The following AS3MT variants were observed in gnomAD, a reference collection of about 807,000 sequenced individuals.
AS3MT encodes S-adenosyl-L-methionine:arsenic(III) methyltransferase.
Under a neutral mutation model 45.3 loss-of-function variants are expected in AS3MT, and 47 were observed. That is an observed-to-expected ratio of 1.04 (90% CI 0.82 to 1.32). The LOEUF (loss-of-function observed/expected upper bound fraction) is 1.32, where lower values mean the gene tolerates loss of function less well. AS3MT is among the 40% of genes most tolerant of loss of function. The pLI is 0.00. For missense variants in AS3MT, 396 were observed against 451.1 expected (o/e 0.88, Z 1.11); for synonymous variants, 141 against 152.8 (o/e 0.92, Z 0.57).
At chr10:102,888,626 G>A (rs1844997507) in intron 9 of AS3MT, among the ~76,000 whole-genome samples, 1 of 151,162 alleles carries the variant, frequency 6.6e-6, no homozygotes, top group Admixed American at 6.6e-5. Flanking sequence ...TTACCATGTT[G>A]GTCAGGCTGG....
intron 2 of AS3MT, 91 bp downstream of exon 2, chr10:102,869,936 A>G (rs1844649635): frequency 6.3e-7 from 1 of 1,578,974 alleles, no homozygotes; most frequent in African/African-American, 1.3e-5. Flanking sequence ...GGACTCCTGG[A>G]GTCGGGGTAG....
intron 10 of AS3MT, among the ~76,000 whole-genome samples, chr10:102,893,421 T>A (rs1312805103): frequency 1.3e-5 from 2 of 151,314 alleles, no homozygotes; most frequent in African/African-American, 4.9e-5. Flanking sequence ...CAGGTTCAAG[T>A]GATTCTCCTG....
In AS3MT at chr10:102,898,897, T is replaced by G. The variant is rs539202798; in HGVS notation, c.1021-1696T>G. Reference sequence around the variant, plus strand: ...ACATCTGATTCTGGAGCTGGCACTCTAAACCAGTGTGCTGCTCCATCTCTC... The same window carrying G: ...ACATCTGATTCTGGAGCTGGCACTCGAAACCAGTGTGCTGCTCCATCTCTC... On this transcript the variant is annotated intron_variant, in intron 10 of 10. Transcript: ENST00000369880. Among the ~76,000 whole-genome samples the G allele has an allele frequency of 3.3e-5, 5 of 152,340 alleles. No homozygotes were observed. In the East Asian group the frequency reaches 9.7e-4, roughly 29 times the overall value.
chr10:102,889,505 C>T (rs1452881047), intron 9 of AS3MT, among the ~76,000 whole-genome samples: 1 of 152,078 alleles, frequency 6.6e-6, no homozygotes, highest in African/African-American at 2.4e-5. Flanking sequence ...TAGGTTGATT[C>T]CATATCTTGG....
At chr10:102,896,332 C>CAAAA (rs899491110) in intron 10 of AS3MT, among the ~76,000 whole-genome samples, 1 of 63,360 alleles carries the variant, frequency 1.6e-5, no homozygotes, top group Admixed American at 1.7e-4. Context: ...GACCCTGCCT[C>CAAAA]AAAAAAAAAA....
chr10:102,870,879 ACT>A (rs1179525456), intron 3 of AS3MT, among the ~76,000 whole-genome samples: 1 of 152,026 alleles, frequency 6.6e-6, no homozygotes, highest in Non-Finnish European at 1.5e-5. Flanking sequence ...CTGCCACAGC[ACT>A]CTGTCACTCG....
At chr10:102,882,032 C>T (rs1053037212) in intron 9 of AS3MT, among the ~76,000 whole-genome samples, 1 of 151,694 alleles carries the variant, frequency 6.6e-6, no homozygotes, top group African/African-American at 2.4e-5. Flanking sequence ...CTCCACCTCC[C>T]GGGTTCACGC....
chr10:102,898,841 C>T (rs1230186686), intron 10 of AS3MT, among the ~76,000 whole-genome samples: 1 of 152,178 alleles, frequency 6.6e-6, no homozygotes, highest in Non-Finnish European at 1.5e-5. Context: ...AATCCAAAGT[C>T]ATACAGCTAG....
rs1410708335 is a variant in AS3MT at position 102,874,543 on chromosome 10, C to T, written c.459-49C>T. ...TTAGGGTCTGAAAGGATTTGCAGAT[C>T]TCTGAGTGTTGTGAAGATTTGCTCG... On this transcript the variant is annotated intron_variant, in intron 5 of 10. Transcript: ENST00000369880. The T allele has an allele frequency of 2.2e-6, 3 of 1,359,458 alleles. No individual in the cohort carries two copies. The African/African-American group carries it at 4.3e-5, about 20-fold the overall frequency. 84.2% of individuals were successfully genotyped at this position (1,359,458 alleles called of 1,614,324 possible). A position where few individuals can be genotyped will look rare whatever the true frequency, so the allele number is the denominator to read the frequency against.
intron 10 of AS3MT, among the ~76,000 whole-genome samples, chr10:102,892,708 G>C (rs186950450): frequency 1.3e-4 from 20 of 152,192 alleles, no homozygotes; most frequent in Admixed American, 8.5e-4. Flanking sequence ...AGGCACAGTG[G>C]CTCAAGCCTG....
intron 8 of AS3MT, 106 bp from the exon 9 acceptor site, chr10:102,878,743 T>C: frequency 7.0e-7 from 1 of 1,422,504 alleles, no homozygotes; most frequent in Non-Finnish European, 9.5e-7. Context: ...ACTGATGACA[T>C]GCAAGGAAGA....
intron 10 of AS3MT, among the ~76,000 whole-genome samples, chr10:102,893,543 T>A (rs1302973305): frequency 1.3e-5 from 2 of 148,776 alleles, no homozygotes; most frequent in Non-Finnish European, 3.0e-5. Flanking sequence ...TTGCCCAGGC[T>A]GGAGTGCAGT....
At chr10:102,892,075 T>A (rs1475262126) in intron 10 of AS3MT, among the ~76,000 whole-genome samples, 1 of 152,048 alleles carries the variant, frequency 6.6e-6, no homozygotes, top group African/African-American at 2.4e-5. Flanking sequence ...ATTGAATCAT[T>A]AATTATTTCT....
intron 10 of AS3MT, among the ~76,000 whole-genome samples, chr10:102,896,267 A>G (rs1382713432): frequency 6.9e-6 from 1 of 144,444 alleles, no homozygotes; most frequent in Non-Finnish European, 1.5e-5. Context: ...CGGGATGTGG[A>G]GGCTGTAGTG....
At chr10:102,898,851 G>A (rs187795889) in intron 10 of AS3MT, among the ~76,000 whole-genome samples, 2 of 152,320 alleles carry the variant, frequency 1.3e-5, no homozygotes, top group Non-Finnish European at 1.5e-5. Flanking sequence ...CATACAGCTA[G>A]AAAGTGGTGA....
At chr10:102,899,557 G>A (rs1306945593) in intron 10 of AS3MT, among the ~76,000 whole-genome samples, 2 of 152,124 alleles carry the variant, frequency 1.3e-5, no homozygotes, top group Non-Finnish European at 2.9e-5. Context: ...TGAATGTAGA[G>A]TCTGTGCCTG....
chr10:102,888,870 TATATATA>T (rs1186016086), intron 9 of AS3MT, among the ~76,000 whole-genome samples: 34 of 88,228 alleles, frequency 3.9e-4, no homozygotes, highest in South Asian at 3.4e-3. Flanking sequence ...TATATATATA[TATATATA>T]TATATTTTTT....
intron 10 of AS3MT, among the ~76,000 whole-genome samples, chr10:102,891,321 C>G (rs902608464): frequency 6.6e-6 from 1 of 152,208 alleles, no homozygotes; most frequent in Non-Finnish European, 1.5e-5. Flanking sequence ...CCTCTCCTGC[C>G]CTGCTCACGC....
intron 9 of AS3MT, among the ~76,000 whole-genome samples, chr10:102,884,260 G>A (rs550228581): frequency 2.0e-5 from 3 of 151,758 alleles, no homozygotes; most frequent in Non-Finnish European, 2.9e-5. Context: ...GATTACAGGC[G>A]CGAGGTGCCC....
Sources: gnomAD v4.1 joint callset for allele counts (sites outside exome capture counted in the v4.1 genomes callset) on GRCh38, gnomAD v4.1.1 for gene constraint, MANE v1.5 for transcripts, NCBI Gene and HGNC (gene_info 2026-07-23, HGNC 2026-07-21) for gene names.